HOXB7: variants seen among roughly 807,000 people sequenced by gnomAD.
HOXB7 encodes homeobox B7.
In HOXB7, 11 loss-of-function variants were observed where a neutral mutation model predicts 19.2. The ratio of observed to expected loss-of-function variants is 0.57; its 90% confidence interval spans 0.36 to 0.95. The LOEUF (loss-of-function observed/expected upper bound fraction) is 0.95, where lower values mean the gene tolerates loss of function less well. HOXB7 is among the 40% of genes least tolerant of loss of function. The pLI is 0.01. For missense variants in HOXB7, 318 were observed against 301.1 expected (o/e 1.06, Z -0.42); for synonymous variants, 141 against 130.2 (o/e 1.08, Z -0.56).
At position 48,607,778 on chromosome 17, in the gene HOXB7, C is replaced by G; in HGVS notation, c.*64G>C. The G allele has an allele frequency of 1.5e-6, 2 of 1,292,478 alleles. No individual in the cohort carries two copies. Among genetic ancestry groups the G allele is most frequent in the Non-Finnish European group, 2.2e-6 (2 of 926,254 alleles). 80.1% of individuals were successfully genotyped at this position (1,292,478 alleles called of 1,614,324 possible). A position where few individuals can be genotyped will look rare whatever the true frequency, so the allele number is the denominator to read the frequency against. On this transcript the variant is annotated 3_prime_UTR_variant, in exon 2 of 2. Transcript: ENST00000239165. ...TCGATTTGAGTTTCCTGATTCAGTTCCCAGAGCTGGGCTTCTCTTCCTCTC... is the reference window on the plus strand; with the variant it reads ...TCGATTTGAGTTTCCTGATTCAGTTGCCAGAGCTGGGCTTCTCTTCCTCTC...
chr17:48,610,768 A>C lies in HOXB7; in HGVS notation c.151T>G (p.Phe51Val). Residue 51 changes from phenylalanine (F) to valine (V), a missense_variant, in exon 1 of 2, where the codon TTC becomes GTC. Phe to Val is a conservative substitution (Grantham distance 50). Coordinates refer to ENST00000239165, the MANE Select transcript of HOXB7 (RefSeq NM_004502.4). ...TACAAGCCCTGCATCGAGGCGGCGA[A>C]GGAAGCGCCCGAACCCGCTCCATAG... ...PGYGAGSGAS[F>V]AASMQGLYPG... is the part of the protein sequence containing the mutation. 7 of 1,599,492 alleles carry C rather than the reference A, an allele frequency of 4.4e-6. No individual in the cohort carries two copies. Among genetic ancestry groups the C allele is most frequent in the Non-Finnish European group, 6.0e-6 (7 of 1,171,842 alleles).
rs944187208 is a variant in HOXB7 at position 48,607,519 on chromosome 17, T to C, written c.*323A>G. 5.6e-5 allele frequency: 15 copies of C among 267,974 alleles called. No homozygotes were observed. Among genetic ancestry groups the C allele is most frequent in the Middle Eastern group, 1.3e-3 (1 of 790 alleles). 16.6% of individuals were successfully genotyped at this position (267,974 alleles called of 1,614,324 possible). On this transcript the variant is annotated 3_prime_UTR_variant, in exon 2 of 2. Coordinates refer to ENST00000239165, the MANE Select transcript of HOXB7 (RefSeq NM_004502.4). ...TTACAAAGACCTTACAATAGCAACA[T>C]AGAAAAGGGGAGGTAAATTCCAGAA...
At chr17:48,608,767 G>C (rs2070615344) in intron 1 of HOXB7, among the ~76,000 whole-genome samples, 1 of 152,188 alleles carries the variant, frequency 6.6e-6, no homozygotes, top group Non-Finnish European at 1.5e-5. Context: ...TTCACTCTCT[G>C]GGGTCAAGGA....
chr17:48,607,561 G>A lies in HOXB7; in HGVS notation c.*281C>T, dbSNP rs1192170748. On this transcript the variant is annotated 3_prime_UTR_variant, in exon 2 of 2. Transcript: ENST00000239165. ...ATTCCAGAAAGCTACAGAACAGGTA[G>A]ATAATATCCTTTTCATATTGTACAA... is the stretch of plus-strand genomic sequence containing the variant. 7.6e-6 allele frequency: 3 copies of A among 393,780 alleles called. No individual in the cohort carries two copies. The highest frequency in any genetic ancestry group is 8.5e-5 in the Admixed American group (2 of 23,534). 24.4% of individuals were successfully genotyped at this position (393,780 alleles called of 1,614,324 possible). A position where few individuals can be genotyped will look rare whatever the true frequency, so the allele number is the denominator to read the frequency against.
chr17:48,609,870 G>A (rs897736580), intron 1 of HOXB7, among the ~76,000 whole-genome samples: 35 of 152,152 alleles, frequency 2.3e-4, no homozygotes, highest in African/African-American at 8.0e-4. Flanking sequence ...GGATCAGGAG[G>A]ATCATCTCCT....
chr17:48,607,607 T>G lies in HOXB7; in HGVS notation c.*235A>C, dbSNP rs1026499636. On this transcript the variant is annotated 3_prime_UTR_variant, in exon 2 of 2. Coordinates refer to ENST00000239165, the MANE Select transcript of HOXB7 (RefSeq NM_004502.4). The stretch of plus-strand genomic sequence containing the variant: ...TACAAAAAAACCAAACCTGACAGAC[T>G]TTCCTATAGGTAGTATTTTTTCAGT... 6.2e-6 allele frequency: 3 copies of G among 480,760 alleles called. No individual in the cohort carries two copies. The highest frequency in any genetic ancestry group is 1.1e-5 in the Non-Finnish European group (3 of 275,080). 29.8% of individuals were successfully genotyped at this position (480,760 alleles called of 1,614,324 possible).
At chr17:48,609,479 G>A (rs1160450699) in intron 1 of HOXB7, among the ~76,000 whole-genome samples, 1 of 152,204 alleles carries the variant, frequency 6.6e-6, no homozygotes, top group Admixed American at 6.5e-5. Context: ...CCTGACCATT[G>A]CTGGGTTGGG....
intron 1 of HOXB7, among the ~76,000 whole-genome samples, chr17:48,610,154 C>T (rs1262361921): frequency 6.6e-6 from 1 of 152,182 alleles, no homozygotes; most frequent in Non-Finnish European, 1.5e-5. Flanking sequence ...AATGGCTATT[C>T]TCTGCAAACA....
chr17:48,610,381 TG>T, intron 1 of HOXB7, 137 bp downstream of exon 1: 2 of 760,160 alleles, frequency 2.6e-6, no homozygotes, highest in Non-Finnish European at 3.7e-6. Flanking sequence ...CGCGGCCCAG[TG>T]GGTGCAGCCT....
chr17:48,608,210 T>C, intron 1 of HOXB7, 115 bp from the exon 2 acceptor site: 1 of 1,362,880 alleles, frequency 7.3e-7, no homozygotes, highest in Non-Finnish European at 9.8e-7. Context: ...GATCACGAGG[T>C]CAGGAGATCG....
chr17:48,608,262 A>G, intron 1 of HOXB7, 167 bp from the exon 2 acceptor site: 1 of 799,988 alleles, frequency 1.3e-6, no homozygotes, highest in Admixed American at 3.2e-5. Flanking sequence ...TCTCTACTAA[A>G]AATACAAAAA....
Position 48,610,785 on chromosome 17 carries a change from G to T in HOXB7, c.134C>A (p.Ala45Glu). Reference protein sequence around the residue: ...ASNPQRPGYGAGSGASFAASM... With the variant: ...ASNPQRPGYGEGSGASFAASM... ...GGCGGCGAAGGAAGCGCCCGAACCC[G>T]CTCCATAGCCCGGGCGCTGGGGGTT... is the stretch of plus-strand genomic sequence containing the variant. The change falls in exon 1 of 2, where the codon GCG (alanine) becomes GAG (glutamate). Residue 45 changes from alanine to glutamate, a missense_variant. Transcript: ENST00000239165. 1 of 1,598,244 alleles carries T rather than the reference G, an allele frequency of 6.3e-7. No homozygotes were observed. Among genetic ancestry groups the T allele is most frequent in the South Asian group, 1.1e-5 (1 of 89,656 alleles).
intron 1 of HOXB7, 178 bp from the exon 2 acceptor site, chr17:48,608,273 A>C (rs553845261): frequency 1.3e-6 from 1 of 742,842 alleles, no homozygotes; most frequent in South Asian, 2.5e-5. Flanking sequence ...AATACAAAAA[A>C]ATTAGCTGGG....
intron 1 of HOXB7, among the ~76,000 whole-genome samples, chr17:48,609,742 A>G (rs1182948524): frequency 6.6e-6 from 1 of 152,032 alleles, no homozygotes; most frequent in Non-Finnish European, 1.5e-5. Context: ...AAACTTGGCC[A>G]GTTCTTTAGG....
Position 48,608,045 on chromosome 17 carries a change from C to T in HOXB7, c.451G>A (p.Glu151Lys). 14 of 1,614,210 alleles carry T rather than the reference C, an allele frequency of 8.7e-6. No individual in the cohort carries two copies. Among genetic ancestry groups the T allele is most frequent in the African/African-American group, 1.3e-5 (1 of 75,050 alleles). The change falls in exon 2 of 2, where the codon GAG becomes AAG. Residue 151 changes from glutamate (E) to lysine (K), a missense_variant. By Grantham distance (56) the Glu-to-Lys change is moderately conservative. Coordinates refer to ENST00000239165, the MANE Select transcript of HOXB7 (RefSeq NM_004502.4). Reference sequence around the variant, plus strand: ...TTGTAGTGAAATTCTTTCTCCAGCTCCAGGGTCTGGTAGCGGGTGTAGGTC... The same window carrying T: ...TTGTAGTGAAATTCTTTCTCCAGCTTCAGGGTCTGGTAGCGGGTGTAGGTC... ...RQTYTRYQTL[E>K]LEKEFHYNRY...
rs527309417 is a variant in HOXB7, at chr17:48,609,789, C to T, written c.400+730G>A. Among the ~76,000 whole-genome samples, 29 of 152,274 alleles carry T rather than the reference C, an allele frequency of 1.9e-4. No individual in the cohort carries two copies. The South Asian group carries it at 5.4e-3, about 28-fold the overall frequency. ...GCCCTAGGAAGAGCACCTCAGGAAGCCAGCTGCACTCCCATGAAGCCTCTG... is the reference window on the plus strand; with the variant it reads ...GCCCTAGGAAGAGCACCTCAGGAAGTCAGCTGCACTCCCATGAAGCCTCTG... On this transcript the variant is annotated intron_variant, in intron 1 of 1. Coordinates refer to ENST00000239165, the MANE Select transcript of HOXB7 (RefSeq NM_004502.4).
At chr17:48,610,310 G>A (rs2070630016) in intron 1 of HOXB7, among the ~76,000 whole-genome samples, 1 of 152,120 alleles carries the variant, frequency 6.6e-6, no homozygotes, top group Non-Finnish European at 1.5e-5. Context: ...GAGATCCGCC[G>A]GGAAGCAGAG....
In HOXB7 at chr17:48,610,979, A is replaced by T. The variant is rs569262374; in HGVS notation, c.-61T>A. On this transcript the variant is annotated 5_prime_UTR_variant, in exon 1 of 2. Transcript: ENST00000239165. ...AGTGTCGGTTTTACGAGATTCCTTG[A>T]TATATTACAGAATTAGAGTCCAGAT... 8.8e-6 allele frequency: 12 copies of T among 1,369,404 alleles called. No individual in the cohort carries two copies. The East Asian group carries it at 3.1e-4, about 36-fold the overall frequency. The allele number at this position is 1,369,404 out of a possible 1,614,324, so 84.8% of individuals were successfully genotyped here.
intron 1 of HOXB7, among the ~76,000 whole-genome samples, chr17:48,609,104 T>G (rs1274113384): frequency 6.6e-6 from 1 of 152,128 alleles, no homozygotes; most frequent in African/African-American, 2.4e-5. Flanking sequence ...ACAGCCCAGC[T>G]CTCTAAAGCA....
Sources: allele counts gnomAD v4.1 joint callset (sites outside exome capture counted in the v4.1 genomes callset), GRCh38; gene constraint gnomAD v4.1.1; transcripts MANE v1.5; gene names NCBI Gene and HGNC (gene_info 2026-07-23, HGNC 2026-07-21).